QKI: variants seen among roughly 807,000 people sequenced by gnomAD.
QKI encodes KH domain-containing RNA-binding protein QKI.
Under a neutral mutation model 39.0 loss-of-function variants are expected in QKI, and 10 were observed. The ratio of observed to expected loss-of-function variants is 0.26; its 90% CI spans 0.16 to 0.43. The LOEUF is 0.43. QKI is among the 20% of genes least tolerant of loss of function. The probability of loss-of-function intolerance (pLI) is 1.00; values close to 1 mark genes in which losing one functional copy is unlikely to be tolerated. For missense variants in QKI, 218 were observed against 428.0 expected, an observed-to-expected ratio of 0.51 and a Z score of 4.33; for synonymous variants, 204 against 155.4, an observed-to-expected ratio of 1.31 and a Z score of -2.33.
chr6:163,419,136 G>C (rs901449645), intron 1 of QKI, among the ~76,000 whole-genome samples: 1 of 152,050 alleles, frequency 6.6e-6, no homozygotes, highest in African/African-American at 2.4e-5. Flanking sequence ...TAAACTTTCT[G>C]TCTGACCTCA....
intron 3 of QKI, among the ~76,000 whole-genome samples, chr6:163,519,025 G>A (rs1164001112): frequency 2.0e-5 from 3 of 152,094 alleles, no homozygotes; most frequent in Non-Finnish European, 2.9e-5. Context: ...GTAGCATAGC[G>A]ACAAAAGTAG....
chr6:163,495,389 G>A (rs1244785605), intron 3 of QKI, among the ~76,000 whole-genome samples: 2 of 152,104 alleles, frequency 1.3e-5, no homozygotes, highest in Non-Finnish European at 2.9e-5. Flanking sequence ...GCGTGTGTGT[G>A]TGAGCATGCG....
intron 4 of QKI, among the ~76,000 whole-genome samples, chr6:163,535,781 A>C (rs1781160821): frequency 6.6e-6 from 1 of 151,956 alleles, no homozygotes; most frequent in African/African-American, 2.4e-5. Flanking sequence ...AAATACAAAA[A>C]ATAAGTCGGG....
In QKI at chr6:163,415,132, C is replaced by T; in HGVS notation, c.-62C>T. On this transcript the variant is annotated 5_prime_UTR_variant, in exon 1 of 8. Transcript: ENST00000361752. ...CCGCGGCCGGGGCTCGCCCCCGCCC[C>T]TCCCTCCTCTCCGGCGGCGGCGGCG... The T allele has an allele frequency of 7.7e-6, 10 of 1,305,644 alleles. No homozygotes were observed. Among genetic ancestry groups the T allele is most frequent in the African/African-American group, 1.6e-5 (1 of 63,388 alleles). The allele number at this position is 1,305,644 out of a possible 1,614,324, so 80.9% of individuals were successfully genotyped here.
chr6:163,499,022 C>T (rs1208957489), intron 3 of QKI, among the ~76,000 whole-genome samples: 2 of 151,996 alleles, frequency 1.3e-5, no homozygotes, highest in African/African-American at 2.4e-5. Flanking sequence ...ATTTTGTGCA[C>T]GAAACAAAGT....
At chr6:163,503,503 C>T (rs1392694124) in intron 3 of QKI, among the ~76,000 whole-genome samples, 4 of 150,338 alleles carry the variant, frequency 2.7e-5, no homozygotes, top group African/African-American at 9.7e-5. Flanking sequence ...AATATTTTCT[C>T]CCACTCTGTA....
chr6:163,557,516 G>A (rs542645340), intron 4 of QKI, among the ~76,000 whole-genome samples: 28 of 152,164 alleles, frequency 1.8e-4, no homozygotes, highest in African/African-American at 4.6e-4. Context: ...AGTGTGGAGC[G>A]ATGGTTCCAG....
chr6:163,511,568 A>G (rs1779482527), intron 3 of QKI, among the ~76,000 whole-genome samples: 2 of 152,006 alleles, frequency 1.3e-5, no homozygotes. Flanking sequence ...AATATCATAA[A>G]CAGCTTTAAG....
chr6:163,486,950 A>G (rs1777721720), intron 3 of QKI, among the ~76,000 whole-genome samples: 1 of 152,208 alleles, frequency 6.6e-6, no homozygotes, highest in South Asian at 2.1e-4. Context: ...GCAAAAATAA[A>G]TTTCCTTGAA....
chr6:163,534,904 C>G, intron 3 of QKI, 78 bp from the exon 4 acceptor site: 2 of 1,114,994 alleles, frequency 1.8e-6, no homozygotes, highest in Non-Finnish European at 2.4e-6. Context: ...AAATAATTGA[C>G]AACAGGTTAG....
chr6:163,445,270 A>G (rs1790059763), intron 1 of QKI, among the ~76,000 whole-genome samples: 1 of 113,228 alleles, frequency 8.8e-6, no homozygotes, highest in Admixed American at 8.3e-5. Context: ...TCTTACTCAA[A>G]TTTTACCTGT....
chr6:163,566,535 A>G, intron 6 of QKI, 186 bp from the exon 7 acceptor site: 1 of 1,431,196 alleles, frequency 7.0e-7, no homozygotes, highest in Non-Finnish European at 9.1e-7. Context: ...AATGAATGCA[A>G]TATTAATAGA....
At chr6:163,509,139 GTCAGTCAGTCAA>G (rs1021692708) in intron 3 of QKI, among the ~76,000 whole-genome samples, 8 of 148,610 alleles carry the variant, frequency 5.4e-5, no homozygotes, top group African/African-American at 2.1e-4. Flanking sequence ...CTCCGTCTCA[GTCAGTCAGTCAA>G]TCAGTCAGTC....
At chr6:163,452,244 C>T (rs1188592042) in intron 1 of QKI, among the ~76,000 whole-genome samples, 1 of 152,158 alleles carries the variant, frequency 6.6e-6, no homozygotes, top group Non-Finnish European at 1.5e-5. Context: ...AAAGGTAGTA[C>T]ATAGTTGGCC....
intron 3 of QKI, among the ~76,000 whole-genome samples, chr6:163,521,644 T>TC (rs1247097961): frequency 6.6e-6 from 1 of 152,056 alleles, no homozygotes; most frequent in African/African-American, 2.4e-5. Context: ...TGCCTCAGCC[T>TC]CCCGGGTAGC....
At chr6:163,519,905 T>C (rs539014468) in intron 3 of QKI, among the ~76,000 whole-genome samples, 1 of 152,170 alleles carries the variant, frequency 6.6e-6, no homozygotes, top group East Asian at 1.9e-4. Context: ...ATCTGTTTCT[T>C]AATTAAGGGG....
chr6:163,488,337 AAG>A (rs965959373), intron 3 of QKI, among the ~76,000 whole-genome samples: 17 of 151,932 alleles, frequency 1.1e-4, no homozygotes, highest in African/African-American at 2.2e-4. Flanking sequence ...GACAAAAAAA[AAG>A]AGAGAGAGAG....
intron 3 of QKI, 118 bp downstream of exon 3, chr6:163,479,014 G>A (rs1430417993): frequency 1.5e-5 from 12 of 798,534 alleles, no homozygotes; most frequent in African/African-American, 3.6e-5. Flanking sequence ...GGCCGGGCGC[G>A]GTGGCTCACG....
At position 163,514,400 on chromosome 6, in the gene QKI, A is replaced by G. The variant is rs538105322; in HGVS notation, c.403-20582A>G. 1.1e-3 allele frequency among the ~76,000 whole-genome samples: 171 copies of G among 152,292 alleles called. 3 individuals carry two copies. Among genetic ancestry groups the G allele is most frequent in the African/African-American group, 3.9e-3 (161 of 41,556 alleles). On this transcript the variant is annotated intron_variant, in intron 3 of 7. Transcript: ENST00000361752. ...TTATCTTAAAGATATGTATTTTCAAATCTATATAGTAAAATCTAGTTAGAA... is the reference window on the plus strand; with the variant it reads ...TTATCTTAAAGATATGTATTTTCAAGTCTATATAGTAAAATCTAGTTAGAA...
Sources: allele counts gnomAD v4.1 joint callset (sites outside exome capture counted in the v4.1 genomes callset), GRCh38; gene constraint gnomAD v4.1.1; transcripts MANE v1.5; gene names NCBI Gene and HGNC (gene_info 2026-07-23, HGNC 2026-07-21).